The following KIAA1217 variants were observed in gnomAD, a reference collection of about 807,000 sequenced individuals.
KIAA1217 encodes the protein KIAA1217, also known as sickle tail protein homolog.
Under a neutral mutation model 163.9 loss-of-function variants are expected in KIAA1217, and 88 were observed. That is an observed-to-expected ratio of 0.54 (90% CI 0.45 to 0.64). KIAA1217 has a LOEUF of 0.64. Among genes scored for constraint, KIAA1217 ranks in the 30% least tolerant of loss-of-function variants. The probability of loss-of-function intolerance (pLI) is 0.00; values close to 1 mark genes in which losing one functional copy is unlikely to be tolerated. For missense variants in KIAA1217, 2,372 were observed against 2,475.0 expected (o/e 0.96, Z 0.88); for synonymous variants, 903 against 923.1 (o/e 0.98, Z 0.39).
chr10:24,003,681 A>T (rs888363034), intron 1 of KIAA1217, among the ~76,000 whole-genome samples: 12 of 152,202 alleles, frequency 7.9e-5, no homozygotes, highest in African/African-American at 2.9e-4. Flanking sequence ...TGCTTTTCTC[A>T]CAAATACTGC....
At chr10:23,895,319 C>A (rs1381618173) in intron 1 of KIAA1217, among the ~76,000 whole-genome samples, 2 of 151,868 alleles carry the variant, frequency 1.3e-5, no homozygotes, top group Admixed American at 1.3e-4. Context: ...ACCCCATCAA[C>A]AAGTGAGCGA....
intron 1 of KIAA1217, among the ~76,000 whole-genome samples, chr10:23,753,180 T>C (rs1833738285): frequency 6.6e-6 from 1 of 152,176 alleles, no homozygotes; most frequent in Non-Finnish European, 1.5e-5. Flanking sequence ...AAAATGGAGC[T>C]GGCAAACACA....
intron 6 of KIAA1217, among the ~76,000 whole-genome samples, chr10:24,488,435 G>T (rs2065681061): frequency 6.6e-6 from 1 of 152,170 alleles, no homozygotes; most frequent in Admixed American, 6.5e-5. Context: ...ACAGAACGTA[G>T]CCAGTCTTCT....
chr10:23,891,768 C>G (rs1463690958), intron 1 of KIAA1217, among the ~76,000 whole-genome samples: 2 of 151,716 alleles, frequency 1.3e-5, no homozygotes, highest in Non-Finnish European at 2.9e-5. Flanking sequence ...ATTTTTTGTA[C>G]TTCTTAGTTT....
chr10:24,051,052 T>C (rs1324910019), intron 2 of KIAA1217, among the ~76,000 whole-genome samples: 1 of 152,152 alleles, frequency 6.6e-6, no homozygotes, highest in Admixed American at 6.5e-5. Context: ...ACCCAATATG[T>C]AGTGTTTTAT....
intron 2 of KIAA1217, among the ~76,000 whole-genome samples, chr10:24,134,322 G>A (rs1032985994): frequency 6.6e-6 from 1 of 152,172 alleles, no homozygotes; most frequent in South Asian, 2.1e-4. Flanking sequence ...AGGTAGGAGA[G>A]CAATTAGTTC....
At chr10:23,833,684 C>G (rs1399484459) in intron 1 of KIAA1217, among the ~76,000 whole-genome samples, 1 of 151,590 alleles carries the variant, frequency 6.6e-6, no homozygotes, top group Non-Finnish European at 1.5e-5. Context: ...TTTTATTTAA[C>G]TTTTTTGGTA....
At chr10:24,390,240 A>AGG (rs973033946) in intron 3 of KIAA1217, among the ~76,000 whole-genome samples, 1 of 151,982 alleles carries the variant, frequency 6.6e-6, no homozygotes, top group Admixed American at 6.6e-5. Flanking sequence ...CAAGTGCTGG[A>AGG]GGGTATAGGT....
At chr10:24,159,381 G>A (rs577711965) in intron 2 of KIAA1217, among the ~76,000 whole-genome samples, 1 of 152,230 alleles carries the variant, frequency 6.6e-6, no homozygotes, top group East Asian at 1.9e-4. Context: ...TTGCACAACA[G>A]TTTGGTAGTT....
intron 1 of KIAA1217, among the ~76,000 whole-genome samples, chr10:23,915,358 G>A (rs770688588): frequency 6.6e-6 from 1 of 152,148 alleles, no homozygotes; most frequent in African/African-American, 2.4e-5. Context: ...GAGATGTGGG[G>A]GGGAGGGAAG....
intron 2 of KIAA1217, among the ~76,000 whole-genome samples, chr10:24,050,456 T>A (rs1478185239): frequency 6.6e-6 from 1 of 152,236 alleles, no homozygotes; most frequent in Non-Finnish European, 1.5e-5. Context: ...ATTTAAGCCT[T>A]TAATCCATCT....
chr10:24,089,556 C>T (rs1440062995), intron 2 of KIAA1217, among the ~76,000 whole-genome samples: 1 of 151,054 alleles, frequency 6.6e-6, no homozygotes, highest in African/African-American at 2.4e-5. Flanking sequence ...ATAGGGAATC[C>T]TTTCCCCATT....
At chr10:24,310,249 A>T (rs1001326852) in intron 2 of KIAA1217, among the ~76,000 whole-genome samples, 4 of 152,230 alleles carry the variant, frequency 2.6e-5, no homozygotes, top group African/African-American at 7.2e-5. Flanking sequence ...ACCAGGCACC[A>T]GGTAGCGCTG....
intron 1 of KIAA1217, among the ~76,000 whole-genome samples, chr10:23,779,960 C>T (rs1835182799): frequency 2.0e-5 from 3 of 152,072 alleles, no homozygotes; most frequent in African/African-American, 2.4e-5. Context: ...AGCAATAGGC[C>T]ATGCAATATA....
intron 1 of KIAA1217, among the ~76,000 whole-genome samples, chr10:23,961,751 TATC>T (rs1403340491): frequency 6.6e-6 from 1 of 152,142 alleles, no homozygotes; most frequent in Non-Finnish European, 1.5e-5. Flanking sequence ...AGCAGAAACA[TATC>T]ATCTCACAGT....
chr10:23,801,947 T>C (rs1261425210), intron 1 of KIAA1217, among the ~76,000 whole-genome samples: 1 of 152,212 alleles, frequency 6.6e-6, no homozygotes, highest in Non-Finnish European at 1.5e-5. Context: ...AGATGTCTTC[T>C]TTACAGTTTT....
At chr10:24,308,324 T>C (rs1268850110) in intron 2 of KIAA1217, among the ~76,000 whole-genome samples, 1 of 152,238 alleles carries the variant, frequency 6.6e-6, no homozygotes, top group Non-Finnish European at 1.5e-5. Context: ...TGCTGTTAGA[T>C]AATATGCTGG....
chr10:24,272,740 T>A (rs1183347846), intron 2 of KIAA1217, among the ~76,000 whole-genome samples: 2 of 152,274 alleles, frequency 1.3e-5, no homozygotes, highest in Non-Finnish European at 2.9e-5. Context: ...AGATCGGTTT[T>A]CACGTGCTCT....
At chr10:23,908,703 C>A (rs1441849826) in intron 1 of KIAA1217, among the ~76,000 whole-genome samples, 3 of 152,094 alleles carry the variant, frequency 2.0e-5, no homozygotes, top group Admixed American at 6.6e-5. Context: ...AATGCAGTAC[C>A]ACCTTACTCC....
Sources: gnomAD v4.1 joint callset for allele counts (sites outside exome capture counted in the v4.1 genomes callset) on GRCh38, gnomAD v4.1.1 for gene constraint, MANE v1.5 for transcripts, NCBI Gene and HGNC (gene_info 2026-07-23, HGNC 2026-07-21) for gene names.